The following ULK4 variants were observed in gnomAD, a reference collection of about 807,000 sequenced individuals.
ULK4 encodes unc-51 like kinase 4.
In ULK4, 133 loss-of-function variants were observed where a neutral mutation model predicts 160.6. That is an observed-to-expected ratio of 0.83 (90% CI 0.72 to 0.96). ULK4 has a LOEUF of 0.96. Among genes scored for constraint, ULK4 ranks in the 40% least tolerant of loss-of-function variants. The probability of loss-of-function intolerance (pLI) is 0.00; values close to 1 mark genes in which losing one functional copy is unlikely to be tolerated. For missense variants in ULK4, 1,580 were observed against 1,499.5 expected, an observed-to-expected ratio of 1.05 and a Z score of -0.89; for synonymous variants, 534 against 539.8, an observed-to-expected ratio of 0.99 and a Z score of 0.15.
chr3:41,485,352 G>C (rs2084487193), intron 32 of ULK4, among the ~76,000 whole-genome samples: 1 of 152,136 alleles, frequency 6.6e-6, no homozygotes, highest in Non-Finnish European at 1.5e-5. Context: ...GAACAGAAAA[G>C]AATAAGAAAG....
chr3:41,513,801 T>C (rs762192318), intron 32 of ULK4, among the ~76,000 whole-genome samples: 2 of 152,156 alleles, frequency 1.3e-5, no homozygotes, highest in Admixed American at 6.5e-5. Context: ...CAATGGACTT[T>C]GGAGACTCGG....
intron 35 of ULK4, among the ~76,000 whole-genome samples, chr3:41,346,020 C>T (rs114270024): frequency 6.6e-6 from 1 of 151,742 alleles, no homozygotes; most frequent in African/African-American, 2.4e-5. Flanking sequence ...CTGATAGGGC[C>T]AGAACAGGTG....
intron 35 of ULK4, among the ~76,000 whole-genome samples, chr3:41,295,847 C>T (rs11718282): frequency 2.6e-5 from 4 of 152,166 alleles, no homozygotes; most frequent in African/African-American, 7.2e-5. Flanking sequence ...AACGGTCCAT[C>T]CACTTTGAAA....
At chr3:41,657,835 A>AAAAAAAAAAAAAAAAAAAC (rs2035000764) in intron 30 of ULK4, among the ~76,000 whole-genome samples, 2 of 142,514 alleles carry the variant, frequency 1.4e-5, no homozygotes, top group African/African-American at 5.1e-5. Flanking sequence ...AAAAAAAAAA[A>AAAAAAAAAAAAAAAAAAAC]CACACACCAC....
chr3:41,476,991 C>G (rs964768184), intron 32 of ULK4, among the ~76,000 whole-genome samples: 2 of 152,186 alleles, frequency 1.3e-5, no homozygotes, highest in African/African-American at 4.8e-5. Flanking sequence ...CCTGTTATCT[C>G]TCTCAGAGAT....
At chr3:41,717,596 A>C in intron 23 of ULK4, 132 bp downstream of exon 23, 6 of 1,131,700 alleles carry the variant, frequency 5.3e-6, no homozygotes, top group Non-Finnish European at 7.3e-6. Flanking sequence ...TTGAAACTAC[A>C]TATTCGTTAA....
intron 25 of ULK4, among the ~76,000 whole-genome samples, chr3:41,705,778 A>G (rs1261470022): frequency 6.6e-6 from 1 of 152,202 alleles, no homozygotes; most frequent in Non-Finnish European, 1.5e-5. Flanking sequence ...TAAATATACA[A>G]ATCACTATCA....
chr3:41,862,526 T>A (rs747564084), intron 17 of ULK4, among the ~76,000 whole-genome samples: 1 of 152,172 alleles, frequency 6.6e-6, no homozygotes, highest in Non-Finnish European at 1.5e-5. Context: ...CTGGGCTTAT[T>A]TGTAGCCATC....
intron 27 of ULK4, among the ~76,000 whole-genome samples, chr3:41,691,373 T>C (rs1023688199): frequency 6.6e-6 from 1 of 151,900 alleles, no homozygotes; most frequent in African/African-American, 2.4e-5. Flanking sequence ...GTCTCTCAAG[T>C]TGCCCACTTG....
At chr3:41,538,968 G>A (rs1413446958) in intron 32 of ULK4, among the ~76,000 whole-genome samples, 3 of 149,992 alleles carry the variant, frequency 2.0e-5, no homozygotes. Context: ...CATATTTTAT[G>A]GTAGTCAATG....
chr3:41,961,179 G>A (rs1350425344), intron 1 of ULK4, among the ~76,000 whole-genome samples: 1 of 152,150 alleles, frequency 6.6e-6, no homozygotes, highest in East Asian at 1.9e-4. Flanking sequence ...TTTAAGAGTC[G>A]GGGGCAGGTC....
intron 32 of ULK4, among the ~76,000 whole-genome samples, chr3:41,492,571 A>G (rs2084822473): frequency 6.7e-6 from 1 of 149,684 alleles, no homozygotes; most frequent in Non-Finnish European, 1.5e-5. Context: ...AAATCCACAC[A>G]TAACAATATT....
chr3:41,602,476 C>A (rs983947106), intron 31 of ULK4, among the ~76,000 whole-genome samples: 1 of 151,922 alleles, frequency 6.6e-6, no homozygotes, highest in African/African-American at 2.4e-5. Flanking sequence ...CTAGAGAAAA[C>A]TGAATAAAGT....
chr3:41,413,636 C>A (rs1405191932), intron 34 of ULK4, among the ~76,000 whole-genome samples: 1 of 152,068 alleles, frequency 6.6e-6, no homozygotes, highest in Non-Finnish European at 1.5e-5. Flanking sequence ...CCCATGGAAC[C>A]GTCTTTTTTG....
intron 35 of ULK4, among the ~76,000 whole-genome samples, chr3:41,336,340 A>G (rs2080555018): frequency 6.6e-6 from 1 of 152,214 alleles, no homozygotes; most frequent in Non-Finnish European, 1.5e-5. Context: ...AAGGAAACGT[A>G]TCTGAAAATG....
chr3:41,553,713 ATATT>A (rs2087167817), intron 32 of ULK4, among the ~76,000 whole-genome samples: 1 of 152,110 alleles, frequency 6.6e-6, no homozygotes, highest in Non-Finnish European at 1.5e-5. Flanking sequence ...CATAGTAGGT[ATATT>A]TATTTATGGG....
At chr3:41,557,490 G>C (rs1368786080) in intron 32 of ULK4, among the ~76,000 whole-genome samples, 2 of 151,948 alleles carry the variant, frequency 1.3e-5, no homozygotes, top group Non-Finnish European at 2.9e-5. Flanking sequence ...GGCCAGGCAT[G>C]GTGGCTCACA....
chr3:41,699,949 A>G (rs2036618216), intron 27 of ULK4, among the ~76,000 whole-genome samples: 1 of 152,228 alleles, frequency 6.6e-6, no homozygotes, highest in South Asian at 2.1e-4. Flanking sequence ...CAAAATAGAT[A>G]TTTATAAATA....
At chr3:41,314,772 A>G (rs928181935) in intron 35 of ULK4, among the ~76,000 whole-genome samples, 1 of 152,120 alleles carries the variant, frequency 6.6e-6, no homozygotes, top group African/African-American at 2.4e-5. Context: ...TAATTGTTCT[A>G]TGTGTCCTTC....
Sources: gnomAD v4.1 joint callset for allele counts (sites outside exome capture counted in the v4.1 genomes callset) on GRCh38, gnomAD v4.1.1 for gene constraint, MANE v1.5 for transcripts, NCBI Gene and HGNC (gene_info 2026-07-23, HGNC 2026-07-21) for gene names.